TCF7L2: variants seen among roughly 807,000 people sequenced by gnomAD.
TCF7L2 encodes the protein transcription factor 7-like 2.
Under a neutral mutation model 77.9 loss-of-function variants are expected in TCF7L2, and 23 were observed. The ratio of observed to expected loss-of-function variants is 0.30; its 90% CI spans 0.21 to 0.42. TCF7L2 has a LOEUF of 0.42. TCF7L2 is among the 10% of genes least tolerant of loss of function. The pLI is 1.00. For synonymous variants in TCF7L2, 413 were observed against 340.2 expected (o/e 1.21, Z -2.36); for missense variants, 654 against 793.1 (o/e 0.82, Z 2.11).
In TCF7L2 at chr10:113,152,303, T is replaced by C. The variant is rs74338406; in HGVS notation, c.1162-30T>C. On this transcript the variant is annotated intron_variant, in intron 10 of 13. Transcript: ENST00000627217. ...TCATGCTTTTCTCTTTGTTCATGTC[T>C]TTCTCATCTGTACCCCACGTCCCCT... is the stretch of plus-strand genomic sequence containing the variant. 1.8e-4 allele frequency: 287 copies of C among 1,562,572 alleles called. 1 individual carries two copies. The East Asian group carries it at 5.5e-3, about 30-fold the overall frequency.
chr10:113,157,589 G>C (rs570590247), intron 11 of TCF7L2, among the ~76,000 whole-genome samples: 1 of 152,210 alleles, frequency 6.6e-6, no homozygotes, highest in African/African-American at 2.4e-5. Flanking sequence ...GGTCAGGCAG[G>C]GCAGCCCTTG....
chr10:113,150,704 G>A (rs1048863029), intron 8 of TCF7L2, among the ~76,000 whole-genome samples: 7 of 152,152 alleles, frequency 4.6e-5, no homozygotes, highest in Admixed American at 4.6e-4. Flanking sequence ...TTTCTGGCAG[G>A]TAGTCCAAGC....
chr10:113,000,887 C>T (rs1407354239), intron 4 of TCF7L2, among the ~76,000 whole-genome samples: 4 of 152,216 alleles, frequency 2.6e-5, no homozygotes, highest in Admixed American at 2.0e-4. Context: ...TCTTCTCCTC[C>T]AAACCCCGCT....
intron 5 of TCF7L2, among the ~76,000 whole-genome samples, chr10:113,096,012 G>A (rs530469832): frequency 6.6e-6 from 1 of 152,326 alleles, no homozygotes. Flanking sequence ...ACAGTTGATT[G>A]TTTTGGCTCC....
intron 5 of TCF7L2, among the ~76,000 whole-genome samples, chr10:113,122,877 A>G (rs2065017718): frequency 6.6e-6 from 1 of 152,224 alleles, no homozygotes. Context: ...AGAAGTGTAG[A>G]AACCAGAAAC....
At chr10:113,053,713 C>T (rs956832696) in intron 5 of TCF7L2, among the ~76,000 whole-genome samples, 5 of 152,300 alleles carry the variant, frequency 3.3e-5, no homozygotes, top group East Asian at 3.9e-4. Context: ...GAGAAGTACA[C>T]GATCATGGTA....
At chr10:113,134,226 G>T (rs944736240) in intron 5 of TCF7L2, among the ~76,000 whole-genome samples, 6 of 151,950 alleles carry the variant, frequency 3.9e-5, no homozygotes, top group African/African-American at 9.7e-5. Flanking sequence ...CGAGGGGAGA[G>T]GGGCACGGGC....
chr10:112,967,145 C>T lies in TCF7L2; in HGVS notation c.450+2521C>T, dbSNP rs142751305. On this transcript the variant is annotated intron_variant, in intron 4 of 13. Transcript: ENST00000627217. ...TACATTGGGGAGCTCATAATCTTTTCGCTCTGGATGTGGCATAGAGCAGAT... is the reference window on the plus strand; with the variant it reads ...TACATTGGGGAGCTCATAATCTTTTTGCTCTGGATGTGGCATAGAGCAGAT... 8.9e-4 allele frequency among the ~76,000 whole-genome samples: 136 copies of T among 152,320 alleles called. 1 individual carries two copies. Among genetic ancestry groups the T allele is most frequent in the African/African-American group, 3.0e-3 (126 of 41,576 alleles).
At position 113,058,214 on chromosome 10, in the gene TCF7L2, C is replaced by T. The variant is rs867543476; in HGVS notation, c.552+18088C>T. Among the ~76,000 whole-genome samples, 6 of 152,260 alleles carry T rather than the reference C, an allele frequency of 3.9e-5. No individual in the cohort carries two copies. In the South Asian group the frequency reaches 6.2e-4, roughly 16 times the overall value. On this transcript the variant is annotated intron_variant, in intron 5 of 13. Transcript: ENST00000627217. ...GTGACTGCCCAACAGGGCTTCCTTTCGGGAGAGAATGGCTTGTTACATTCA... is the reference window on the plus strand; with the variant it reads ...GTGACTGCCCAACAGGGCTTCCTTTTGGGAGAGAATGGCTTGTTACATTCA...
At chr10:113,108,403 T>C (rs17130188) in intron 5 of TCF7L2, among the ~76,000 whole-genome samples, 8,130 of 151,902 alleles carry the variant, frequency 0.054, 1,127 homozygotes, top group East Asian at 0.46. Flanking sequence ...GCCGTTAAAC[T>C]TGGGGCAATC....
At chr10:113,029,479 A>C (rs138434152) in intron 4 of TCF7L2, among the ~76,000 whole-genome samples, 1 of 148,550 alleles carries the variant, frequency 6.7e-6, no homozygotes, top group Non-Finnish European at 1.5e-5. Context: ...TCATTCTTCT[A>C]TGGTGGAGTG....
At chr10:113,129,547 A>G (rs2066219600) in intron 5 of TCF7L2, 2 of 1,013,770 alleles carry the variant, frequency 2.0e-6, no homozygotes, top group South Asian at 3.8e-5. Context: ...TTATTAGTGG[A>G]CTTTTTTGTT....
intron 3 of TCF7L2, among the ~76,000 whole-genome samples, chr10:112,958,760 G>A (rs1310715047): frequency 2.6e-5 from 4 of 152,122 alleles, no homozygotes; most frequent in Non-Finnish European, 4.4e-5. Flanking sequence ...TTTGGAAAGT[G>A]AAATAAAAGG....
chr10:113,150,230 A>C (rs1428900177), intron 8 of TCF7L2, among the ~76,000 whole-genome samples: 1 of 152,216 alleles, frequency 6.6e-6, no homozygotes, highest in Non-Finnish European at 1.5e-5. Context: ...ATATGAAGTA[A>C]AAGTGATATA....
intron 5 of TCF7L2, among the ~76,000 whole-genome samples, chr10:113,048,000 T>C (rs985327935): frequency 1.1e-4 from 17 of 152,182 alleles, no homozygotes; most frequent in African/African-American, 4.1e-4. Context: ...AGGGAAGCAC[T>C]GGGATATGCG....
intron 5 of TCF7L2, among the ~76,000 whole-genome samples, chr10:113,082,418 A>G (rs1038490101): frequency 6.6e-6 from 1 of 152,088 alleles, no homozygotes; most frequent in African/African-American, 2.4e-5. Context: ...ATTTCTCAAT[A>G]TTTGATAGGT....
chr10:113,001,840 C>T (rs1232559375), intron 4 of TCF7L2, among the ~76,000 whole-genome samples: 1 of 152,168 alleles, frequency 6.6e-6, no homozygotes, highest in Non-Finnish European at 1.5e-5. Context: ...GTTTCTTTTC[C>T]TCCAAAGTAA....
intron 5 of TCF7L2, among the ~76,000 whole-genome samples, chr10:113,134,023 A>G (rs1027250958): frequency 6.6e-6 from 1 of 152,196 alleles, no homozygotes; most frequent in Non-Finnish European, 1.5e-5. Context: ...TGTTTCTCCA[A>G]GTAAAACTCG....
intron 4 of TCF7L2, among the ~76,000 whole-genome samples, chr10:112,993,784 C>T (rs1038112066): frequency 2.6e-5 from 4 of 152,066 alleles, no homozygotes; most frequent in African/African-American, 7.2e-5. Context: ...TGGCTGGGCA[C>T]GGTGGCTTAC....
Sources: gnomAD v4.1 joint callset for allele counts (sites outside exome capture counted in the v4.1 genomes callset) on GRCh38, gnomAD v4.1.1 for gene constraint, MANE v1.5 for transcripts, NCBI Gene and HGNC (gene_info 2026-07-23, HGNC 2026-07-21) for gene names.